The following VGLL1 variants were observed in gnomAD, a reference collection of about 807,000 sequenced individuals.
The protein encoded by VGLL1 is transcription cofactor vestigial-like protein 1.
Under a neutral mutation model 12.0 loss-of-function variants are expected in VGLL1, and 4 were observed. The observed-to-expected ratio is 0.33, with a 90% CI of 0.16 to 0.76. The LOEUF is 0.76. Among genes scored for constraint, VGLL1 ranks in the 30% least tolerant of loss-of-function variants. VGLL1 has a pLI of 0.60. For missense variants in VGLL1, 204 were observed against 208.7 expected, an observed-to-expected ratio of 0.98 and a Z score of 0.14; for synonymous variants, 87 against 81.2, an observed-to-expected ratio of 1.07 and a Z score of -0.39.
intron 4 of VGLL1, among the ~76,000 whole-genome samples, chrX:136,555,557 G>T (rs1603310505): frequency 1.8e-5 from 2 of 111,813 alleles, no homozygotes; most frequent in Admixed American, 9.5e-5. Flanking sequence ...TGAGAAGACA[G>T]AAGGGACATG....
Position 136,556,642 on chromosome X carries a change from T to A in VGLL1, c.*103T>A. On this transcript the variant is annotated 3_prime_UTR_variant, in exon 5 of 5. Coordinates refer to ENST00000370634, the MANE Select transcript of VGLL1 (RefSeq NM_016267.4). ...TGAAAGCTGCTCACACCCACTTGCCTCCCCAATCTGTTAAACAGCTTCGTG... is the reference window on the plus strand; with the variant it reads ...TGAAAGCTGCTCACACCCACTTGCCACCCCAATCTGTTAAACAGCTTCGTG... 1.3e-6 allele frequency: 1 copy of A among 742,740 alleles called. No homozygotes were observed. Among genetic ancestry groups the A allele is most frequent in the Non-Finnish European group, 2.0e-6 (1 of 495,862 alleles). 61.2% of individuals were successfully genotyped at this position (742,740 alleles called of 1,213,427 possible). A position where few individuals can be genotyped will look rare whatever the true frequency, so the allele number is the denominator to read the frequency against.
chrX:136,537,100 T>C (rs1475394935), intron 2 of VGLL1, among the ~76,000 whole-genome samples: 2 of 112,293 alleles, frequency 1.8e-5, no homozygotes, highest in Non-Finnish European at 3.8e-5. Context: ...CTGGGTGTGA[T>C]GGTTCACACC....
chrX:136,550,941 T>C (rs767815915), intron 4 of VGLL1, 120 bp downstream of exon 4: 2 of 607,123 alleles, frequency 3.3e-6, no homozygotes, highest in Non-Finnish European at 5.4e-6. Context: ...TCTCCAGTAA[T>C]GGACGGGAGC....
intron 1 of VGLL1, among the ~76,000 whole-genome samples, chrX:136,534,247 C>T (rs772978145): frequency 8.9e-6 from 1 of 112,528 alleles, no homozygotes; most frequent in South Asian, 3.7e-4. Context: ...GTAACCATCT[C>T]CCTCATCAAG....
chrX:136,551,765 T>A (rs2075887040), intron 4 of VGLL1, among the ~76,000 whole-genome samples: 1 of 111,641 alleles, frequency 9.0e-6, no homozygotes, highest in Non-Finnish European at 1.9e-5. Flanking sequence ...TTCCCCAAGC[T>A]GTGCTCTGTG....
At chrX:136,539,164 C>T (rs1368670052) in intron 2 of VGLL1, among the ~76,000 whole-genome samples, 1 of 111,866 alleles carries the variant, frequency 8.9e-6, no homozygotes, top group Non-Finnish European at 1.9e-5. Flanking sequence ...GGCTTGGATT[C>T]ATTATAATCA....
At chrX:136,532,583 TTCTTTCTTTCTTTCTTTC>T (rs2075825989) in intron 1 of VGLL1, among the ~76,000 whole-genome samples, 1 of 20,168 alleles carries the variant, frequency 5.0e-5, no homozygotes, top group Non-Finnish European at 9.8e-5. Context: ...ATTTCTTTCT[TTCTTTCTTTCTTTCTTTC>T]TTTCTTTCTT....
intron 2 of VGLL1, among the ~76,000 whole-genome samples, chrX:136,545,335 G>T (rs1014623): frequency 0.26 from 28,466 of 110,736 alleles, 4,459 homozygotes; most frequent in African/African-American, 0.59. Flanking sequence ...TGTTTGCAAC[G>T]GTGCATATGT....
chrX:136,555,024 G>T (rs1393094911), intron 4 of VGLL1, among the ~76,000 whole-genome samples: 1 of 112,200 alleles, frequency 8.9e-6, no homozygotes. Context: ...GCTGCAGAAA[G>T]AGGCCTGGAG....
In VGLL1 at chrX:136,546,411, C is replaced by T. The variant is rs750150066; in HGVS notation, c.215-2178C>T. 2.7e-5 allele frequency among the ~76,000 whole-genome samples: 3 copies of T among 111,643 alleles called. No individual in the cohort carries two copies. The South Asian group carries it at 1.1e-3, about 43-fold the overall frequency. On this transcript the variant is annotated intron_variant, in intron 2 of 4. Transcript: ENST00000370634. ...CCTAATCTGGAATGATGTGTTTCCCCAGGCCACCCAAGGCCCGCTGTTGGA... is the reference window on the plus strand; with the variant it reads ...CCTAATCTGGAATGATGTGTTTCCCTAGGCCACCCAAGGCCCGCTGTTGGA...
intron 1 of VGLL1, among the ~76,000 whole-genome samples, chrX:136,535,063 C>T (rs1012787168): frequency 1.8e-5 from 2 of 111,889 alleles, no homozygotes; most frequent in Admixed American, 9.5e-5. Context: ...GGCTACTTCC[C>T]TAGTAAAGGA....
intron 1 of VGLL1, among the ~76,000 whole-genome samples, chrX:136,535,604 T>A: frequency 9.0e-6 from 1 of 111,348 alleles, no homozygotes; most frequent in Non-Finnish European, 1.9e-5. Flanking sequence ...TGGGAGCCCA[T>A]GGTAGTTCTG....
intron 2 of VGLL1, among the ~76,000 whole-genome samples, chrX:136,545,683 T>C (rs926856976): frequency 9.0e-6 from 1 of 111,385 alleles, no homozygotes; most frequent in Non-Finnish European, 1.9e-5. Flanking sequence ...AAAACTAATC[T>C]GGAATAGGAA....
Position 136,532,234 on chromosome X carries a change from A to G in VGLL1, c.-88A>G, listed in dbSNP as rs923771171. The G allele has an allele frequency of 8.9e-6, 1 of 111,813 alleles. No homozygotes were observed. Among genetic ancestry groups the G allele is most frequent in the Non-Finnish European group, 1.9e-5 (1 of 53,167 alleles). 9.2% of individuals were successfully genotyped at this position (111,813 alleles called of 1,213,427 possible). On this transcript the variant is annotated 5_prime_UTR_variant, in exon 1 of 5. Coordinates refer to ENST00000370634, the MANE Select transcript of VGLL1 (RefSeq NM_016267.4). ...GCAAGCACTAACCTGCTCTGAAGTGAGCCAGGCAGCTCTGGCCATCTTTTC... is the reference window on the plus strand; with the variant it reads ...GCAAGCACTAACCTGCTCTGAAGTGGGCCAGGCAGCTCTGGCCATCTTTTC...
At chrX:136,540,178 G>A (rs1034480029) in intron 2 of VGLL1, among the ~76,000 whole-genome samples, 1 of 111,564 alleles carries the variant, frequency 9.0e-6, no homozygotes, top group African/African-American at 3.3e-5. Flanking sequence ...GCATTAAAAT[G>A]AAAGTCACAC....
At chrX:136,556,409 G>A in intron 4 of VGLL1, 42 bp from the exon 5 acceptor site, 5 of 1,113,264 alleles carry the variant, frequency 4.5e-6, no homozygotes, top group Non-Finnish European at 6.2e-6. Flanking sequence ...CCTTCCATAG[G>A]GGCCTAACTG....
rs763961086 is a variant in VGLL1 at position 136,548,418 on chromosome X, C to T, written c.215-171C>T. ...ATAGAAACCAATCCTAGAAACAGTA[C>T]ACCTACGGAGGACAATGGCTGTTTC... On this transcript the variant is annotated intron_variant, in intron 2 of 4. Transcript: ENST00000370634. Among the ~76,000 whole-genome samples the T allele has an allele frequency of 3.6e-5, 4 of 111,405 alleles. No homozygotes were observed. The South Asian group carries it at 1.5e-3, about 42-fold the overall frequency.
chrX:136,537,950 T>C (rs1238815809), intron 2 of VGLL1, among the ~76,000 whole-genome samples: 3 of 111,119 alleles, frequency 2.7e-5, no homozygotes, highest in African/African-American at 9.9e-5. Context: ...GCATGTCCCA[T>C]GTAGGTGCTC....
chrX:136,546,826 T>C (rs1306065586), intron 2 of VGLL1, among the ~76,000 whole-genome samples: 1 of 112,714 alleles, frequency 8.9e-6, no homozygotes, highest in Non-Finnish European at 1.9e-5. Flanking sequence ...CTGAATTGCT[T>C]CTGGCCTGGA....
Sources: gnomAD v4.1 joint callset for allele counts (sites outside exome capture counted in the v4.1 genomes callset) on GRCh38, gnomAD v4.1.1 for gene constraint, MANE v1.5 for transcripts, NCBI Gene and HGNC (gene_info 2026-07-23, HGNC 2026-07-21) for gene names.